The following KIF5B variants were observed in gnomAD, a reference collection of about 807,000 sequenced individuals.
The protein encoded by KIF5B is kinesin family member 5B, also known as kinesin-1 heavy chain.
In KIF5B, 49 loss-of-function variants were observed where a neutral mutation model predicts 132.8. The ratio of observed to expected loss-of-function variants is 0.37; its 90% CI spans 0.29 to 0.47. KIF5B has a LOEUF of 0.47. KIF5B is among the 20% of genes least tolerant of loss of function. The pLI is 1.00. For missense variants in KIF5B, 780 were observed against 1,144.0 expected (o/e 0.68, Z 4.59); for synonymous variants, 355 against 369.4 (o/e 0.96, Z 0.45).
intron 14 of KIF5B, among the ~76,000 whole-genome samples, chr10:32,029,887 A>C (rs780942407): frequency 7.2e-5 from 11 of 152,362 alleles, no homozygotes; most frequent in Non-Finnish European, 1.5e-4. Flanking sequence ...AGATCTGTAC[A>C]GTACTGAATG....
Position 32,055,701 on chromosome 10 carries a change from CTGGGTTA to C in KIF5B, c.126+140_126+146del, listed in dbSNP as rs543394321. ...CGCGAGGCTGCGCAGTCTCCCTCCA[CTGGGTTA>C]TCTGAACCGGCAAACCCCGCCGGGG... is the stretch of plus-strand genomic sequence containing the variant. On this transcript the variant is annotated intron_variant, in intron 1 of 25. Transcript: ENST00000302418. The C allele has an allele frequency of 5.4e-4, 592 of 1,097,468 alleles. 6 individuals are homozygous for C. The highest frequency in any genetic ancestry group is 3.3e-3 in the South Asian group (207 of 63,674). The allele number at this position is 1,097,468 out of a possible 1,614,324, so 68.0% of individuals were successfully genotyped here. A position where few individuals can be genotyped will look rare whatever the true frequency, so the allele number is the denominator to read the frequency against.
At position 32,047,066 on chromosome 10, in the gene KIF5B, C is replaced by T. The variant is rs114150056; in HGVS notation, c.214+1398G>A. On this transcript the variant is annotated intron_variant, in intron 2 of 25. Coordinates refer to ENST00000302418, the MANE Select transcript of KIF5B (RefSeq NM_004521.3). ...TGAATACTATACTGAAAGTGAAAAACAGAATGGTTGTACAGGTACTAGAAA... is the reference window on the plus strand; with the variant it reads ...TGAATACTATACTGAAAGTGAAAAATAGAATGGTTGTACAGGTACTAGAAA... Among the ~76,000 whole-genome samples, 569 of 152,224 alleles carry T rather than the reference C, an allele frequency of 3.7e-3. 4 individuals are homozygous for T. Among genetic ancestry groups the T allele is most frequent in the African/African-American group, 0.013 (531 of 41,528 alleles).
intron 22 of KIF5B, 51 bp from the exon 23 acceptor site, chr10:32,018,207 A>C: frequency 6.8e-7 from 1 of 1,480,914 alleles, no homozygotes; most frequent in South Asian, 1.2e-5. Context: ...ACTAAGCTTA[A>C]CTATACAAAA....
intron 2 of KIF5B, among the ~76,000 whole-genome samples, chr10:32,042,503 A>C (rs1841555434): frequency 6.6e-6 from 1 of 152,208 alleles, no homozygotes; most frequent in Non-Finnish European, 1.5e-5. Flanking sequence ...CTTACCAATG[A>C]GTATTCGATC....
At chr10:32,040,246 T>C in intron 3 of KIF5B, 138 bp downstream of exon 3, 1 of 666,448 alleles carries the variant, frequency 1.5e-6, no homozygotes, top group South Asian at 1.7e-5. Context: ...CCAACAATGA[T>C]GTTACATGTA....
chr10:32,009,732 G>A lies in KIF5B; in HGVS notation c.*1805C>T, dbSNP rs1488158499. The stretch of plus-strand genomic sequence containing the variant: ...TTTCAACTGAAAACAAAACATAAAG[G>A]TCTATGTGGATGCAGCCAAATGTTT... On this transcript the variant is annotated 3_prime_UTR_variant, in exon 26 of 26. Coordinates refer to ENST00000302418, the MANE Select transcript of KIF5B (RefSeq NM_004521.3). 1 of 152,118 alleles carries A rather than the reference G, an allele frequency of 6.6e-6. No homozygotes were observed. Among genetic ancestry groups the A allele is most frequent in the Non-Finnish European group, 1.5e-5 (1 of 68,020 alleles). The allele number at this position is 152,118 out of a possible 1,614,324, so 9.4% of individuals were successfully genotyped here.
At chr10:32,052,795 T>C (rs965233320) in intron 1 of KIF5B, among the ~76,000 whole-genome samples, 4 of 152,370 alleles carry the variant, frequency 2.6e-5, no homozygotes, top group Admixed American at 2.6e-4. Context: ...GTTACATTTA[T>C]AGCACTTCAC....
rs371086424 is a variant in KIF5B at position 32,017,366 on chromosome 10, G to A, written c.2545-7C>T. 1.3e-5 allele frequency: 21 copies of A among 1,605,928 alleles called. No individual in the cohort carries two copies. The highest frequency in any genetic ancestry group is 2.2e-5 in the South Asian group (2 of 90,694). On this transcript the variant is annotated splice_region_variant and splice_polypyrimidine_tract_variant and intron_variant, in intron 23 of 25. Coordinates refer to ENST00000302418, the MANE Select transcript of KIF5B (RefSeq NM_004521.3). Reference sequence around the variant, plus strand: ...CTGCATTATCACGTACCAACTAAACGTACACAAAGAAAACAAGGATTCCAG... The same window carrying A: ...CTGCATTATCACGTACCAACTAAACATACACAAAGAAAACAAGGATTCCAG...
chr10:32,025,311 C>T (rs1302508900), intron 15 of KIF5B, among the ~76,000 whole-genome samples: 4 of 152,194 alleles, frequency 2.6e-5, no homozygotes, highest in Non-Finnish European at 5.9e-5. Flanking sequence ...TACAACCTAG[C>T]ACTTCTAGGT....
intron 24 of KIF5B, among the ~76,000 whole-genome samples, chr10:32,015,893 C>T (rs929262020): frequency 6.6e-6 from 1 of 152,098 alleles, no homozygotes; most frequent in Non-Finnish European, 1.5e-5. Context: ...TGTGTAATCC[C>T]AGCACTTTGA....
At chr10:32,054,023 T>C (rs1256067763) in intron 1 of KIF5B, among the ~76,000 whole-genome samples, 1 of 152,226 alleles carries the variant, frequency 6.6e-6, no homozygotes, top group Non-Finnish European at 1.5e-5. Flanking sequence ...CTTCTAATCT[T>C]AGTACATTTT....
chr10:32,042,099 G>C (rs1406158912), intron 2 of KIF5B, among the ~76,000 whole-genome samples: 3 of 151,990 alleles, frequency 2.0e-5, no homozygotes, highest in Non-Finnish European at 4.4e-5. Context: ...TATTCTAGAG[G>C]AAGCCAAAAC....
chr10:32,044,062 C>G (rs1278965459), intron 2 of KIF5B, among the ~76,000 whole-genome samples: 1 of 152,210 alleles, frequency 6.6e-6, no homozygotes, highest in Non-Finnish European at 1.5e-5. Context: ...CCTACGCCAT[C>G]TTTCTCCTTA....
In KIF5B at chr10:32,034,058, T is replaced by A; in HGVS notation, c.1112-20A>T. ...TCTCCCCTAAAATAAGAAAATAAAG[T>A]GGTTAATAAAAAAACGACGTCTAAA... On this transcript the variant is annotated intron_variant, in intron 11 of 25. Transcript: ENST00000302418. The A allele has an allele frequency of 1.4e-6, 2 of 1,475,134 alleles. No individual in the cohort carries two copies. Among genetic ancestry groups the A allele is most frequent in the South Asian group, 2.7e-5 (2 of 75,016 alleles). 91.4% of individuals were successfully genotyped at this position (1,475,134 alleles called of 1,614,324 possible).
Position 32,033,931 on chromosome 10 carries a change from T to G in KIF5B, c.1219A>C (p.Ile407Leu), listed in dbSNP as rs775217268. Residue 407 changes from isoleucine (I) to leucine (L), a missense_variant, in exon 12 of 26, where the codon ATT (isoleucine) becomes CTT (leucine). Ile to Leu is a conservative substitution (Grantham distance 5). Coordinates refer to ENST00000302418, the MANE Select transcript of KIF5B (RefSeq NM_004521.3). Reference protein sequence around the residue: ...TLTNDKPATAIGVIGNFTDAE... With the variant: ...TLTNDKPATALGVIGNFTDAE... ...TCAGTAAAATTTCCTATAACTCCAA[T>G]TGCGGTTGCTGGTTTATCATTGGTA... 1.6e-5 allele frequency: 25 copies of G among 1,612,874 alleles called. No homozygotes were observed. The highest frequency in any genetic ancestry group is 1.7e-6 in the Non-Finnish European group (2 of 1,179,162).
chr10:32,015,566 G>A lies in KIF5B; in HGVS notation c.2855C>T (p.Pro952Leu), dbSNP rs775591282. 1.2e-6 allele frequency: 2 copies of A among 1,613,404 alleles called. No homozygotes were observed. The highest frequency in any genetic ancestry group is 1.1e-5 in the South Asian group (1 of 91,014). ...GGGAFVQNSQ[P>L]VAVRGGGGKQ... is the part of the protein sequence containing the mutation. ...GCCTCCTCCACCTCGCACTGCCACTGGCTGGCTGTTCTGAACAAATGCACC... is the reference window on the plus strand; with the variant it reads ...GCCTCCTCCACCTCGCACTGCCACTAGCTGGCTGTTCTGAACAAATGCACC... Residue 952 changes from proline (P) to leucine (L), a missense_variant, in exon 25 of 26, where the codon CCA becomes CTA. Pro to Leu is a moderately conservative substitution (Grantham distance 98, BLOSUM62 -3). Transcript: ENST00000302418.
chr10:32,014,657 AAAT>A (rs1259322038), intron 25 of KIF5B, among the ~76,000 whole-genome samples: 1 of 152,192 alleles, frequency 6.6e-6, no homozygotes, highest in Non-Finnish European at 1.5e-5. Context: ...ATATAATTAT[AAAT>A]AAAACTCAGA....
chr10:32,015,552 C>T lies in KIF5B; in HGVS notation c.2869G>A (p.Gly957Ser). Residue 957 changes from glycine (G) to serine (S), a missense_variant, in exon 25 of 26, where the codon GGT becomes AGT. Coordinates refer to ENST00000302418, the MANE Select transcript of KIF5B (RefSeq NM_004521.3). Reference sequence around the variant, plus strand: ...GATTACACTTGTTTGCCTCCTCCACCTCGCACTGCCACTGGCTGGCTGTTC... The same window carrying T: ...GATTACACTTGTTTGCCTCCTCCACTTCGCACTGCCACTGGCTGGCTGTTC... The part of the protein sequence containing the change: ...VQNSQPVAVR[G>S]GGGKQV 3 of 1,612,850 alleles carry T rather than the reference C, an allele frequency of 1.9e-6. No individual in the cohort carries two copies. The highest frequency in any genetic ancestry group is 2.5e-6 in the Non-Finnish European group (3 of 1,179,406).
rs1373123178 is a variant in KIF5B, at chr10:32,035,534, A to G, written c.950T>C (p.Leu317Ser). 6.2e-7 allele frequency: 1 copy of G among 1,610,652 alleles called. No homozygotes were observed. Among genetic ancestry groups the G allele is most frequent in the East Asian group, 2.2e-5 (1 of 44,794 alleles). ...YNESETKSTL[L>S]FGQRAKTIKN... is the part of the protein sequence containing the mutation. ...CTTAACAACAAACCTTTGGCCAAAT[A>G]AGAGTGTAGATTTTGTTTCAGACTC... is the stretch of plus-strand genomic sequence containing the variant. Residue 317 changes from leucine to serine, a missense_variant, in exon 10 of 26, where the codon TTA becomes TCA. Transcript: ENST00000302418.
Sources: allele counts gnomAD v4.1 joint callset (sites outside exome capture counted in the v4.1 genomes callset), GRCh38; gene constraint gnomAD v4.1.1; transcripts MANE v1.5; gene names NCBI Gene and HGNC (gene_info 2026-07-23, HGNC 2026-07-21).